Variants in MAOA observed in about 807,000 individuals in gnomAD.
The protein encoded by MAOA is amine oxidase [flavin-containing] A.
A neutral mutation model predicts 42.0 loss-of-function variants in MAOA; 6 were observed. The ratio of observed to expected loss-of-function variants is 0.14; its 90% CI spans 0.08 to 0.28. The LOEUF (loss-of-function observed/expected upper bound fraction) is 0.28. Ranked by LOEUF, MAOA falls within the 10% of genes least tolerant of loss-of-function variation. The pLI is 1.00. For missense variants in MAOA, 262 were observed against 422.3 expected, an observed-to-expected ratio of 0.62 and a Z score of 3.33; for synonymous variants, 140 against 154.0, an observed-to-expected ratio of 0.91 and a Z score of 0.67.
rs997470662 is a variant in MAOA, at chrX:43,693,191, C to T, written c.169-100C>T. The T allele has an allele frequency of 7.1e-6, 6 of 848,842 alleles. No homozygotes were observed. The Admixed American group carries it at 7.4e-5, about 10-fold the overall frequency. 70.0% of individuals were successfully genotyped at this position (848,842 alleles called of 1,213,427 possible). A position where few individuals can be genotyped will look rare whatever the true frequency, so the allele number is the denominator to read the frequency against. ...CTCTTTATAGGGGAGATGTAAGGCACAATTAACTTTTAAAAAAATAAATGG... is the reference window on the plus strand; with the variant it reads ...CTCTTTATAGGGGAGATGTAAGGCATAATTAACTTTTAAAAAAATAAATGG... On this transcript the variant is annotated intron_variant, in intron 2 of 14. Transcript: ENST00000338702.
chrX:43,676,238 C>A (rs2033394533), intron 1 of MAOA, among the ~76,000 whole-genome samples: 1 of 112,063 alleles, frequency 8.9e-6, no homozygotes, highest in African/African-American at 3.2e-5. Flanking sequence ...GGGCGTAGGA[C>A]CCTCTGAGCC....
intron 1 of MAOA, among the ~76,000 whole-genome samples, chrX:43,669,165 C>T (rs1481070281): frequency 1.0e-4 from 11 of 107,332 alleles, no homozygotes; most frequent in African/African-American, 3.8e-4. Flanking sequence ...AATCCCAGCA[C>T]TTTGGGAGAC....
At chrX:43,732,669 G>A (rs778434329) in intron 8 of MAOA, 30 bp from the exon 9 acceptor site, 8 of 988,874 alleles carry the variant, frequency 8.1e-6, no homozygotes, top group Admixed American at 6.6e-5. Context: ...GCTTGATCTC[G>A]ATCTCCCATT....
intron 5 of MAOA, among the ~76,000 whole-genome samples, chrX:43,723,870 T>C (rs2033810983): frequency 8.9e-6 from 1 of 111,944 alleles, no homozygotes; most frequent in Non-Finnish European, 1.9e-5. Context: ...ACCTAGTTTA[T>C]GGAGAGTTTT....
intron 2 of MAOA, among the ~76,000 whole-genome samples, chrX:43,685,023 AC>A (rs748303335): frequency 0.013 from 1,351 of 101,734 alleles, 22 homozygotes; most frequent in African/African-American, 0.045. Flanking sequence ...GATTACAGGC[AC>A]CCCCCCCACC....
chrX:43,715,059 G>A (rs944029185), intron 5 of MAOA, among the ~76,000 whole-genome samples: 2 of 110,778 alleles, frequency 1.8e-5, no homozygotes, highest in Non-Finnish European at 3.8e-5. Context: ...GGTGGATGGG[G>A]TGAGGGAGAT....
chrX:43,718,531 G>A (rs1167143489), intron 5 of MAOA, among the ~76,000 whole-genome samples: 4 of 107,923 alleles, frequency 3.7e-5, no homozygotes, highest in Non-Finnish European at 7.7e-5. Flanking sequence ...AATGATCAGA[G>A]GGGTAGTGGG....
At chrX:43,717,628 C>T (rs1373393446) in intron 5 of MAOA, among the ~76,000 whole-genome samples, 1 of 109,876 alleles carries the variant, frequency 9.1e-6, no homozygotes, top group Non-Finnish European at 1.9e-5. Context: ...GATAATGGTG[C>T]AGCAGGATGG....
At chrX:43,734,188 G>C (rs1041258033) in intron 9 of MAOA, among the ~76,000 whole-genome samples, 11 of 95,609 alleles carry the variant, frequency 1.2e-4, no homozygotes, top group Non-Finnish European at 2.2e-4. Flanking sequence ...TTTTACTTAA[G>C]ATAAATAGTA....
At chrX:43,738,483 G>C (rs2033937158) in intron 10 of MAOA, among the ~76,000 whole-genome samples, 2 of 111,550 alleles carry the variant, frequency 1.8e-5, no homozygotes, top group Non-Finnish European at 3.8e-5. Context: ...TTGGATTTCA[G>C]GTTTCACTCT....
chrX:43,731,564 T>G (rs1170107581), intron 7 of MAOA, 130 bp from the exon 8 acceptor site: 1 of 869,003 alleles, frequency 1.2e-6, no homozygotes, highest in Admixed American at 2.5e-5. Context: ...GCCTCACAGT[T>G]GCCTCATTTT....
intron 1 of MAOA, among the ~76,000 whole-genome samples, chrX:43,665,880 C>A (rs1346060257): frequency 9.0e-6 from 1 of 110,936 alleles, no homozygotes; most frequent in Non-Finnish European, 1.9e-5. Flanking sequence ...ATATCAAGGG[C>A]AAGTTTGTGT....
chrX:43,743,974 G>A, intron 13 of MAOA, 69 bp downstream of exon 13: 1 of 1,174,233 alleles, frequency 8.5e-7, no homozygotes, highest in African/African-American at 1.8e-5. Context: ...GGTCTTGCTA[G>A]TTCTTGACAC....
intron 3 of MAOA, among the ~76,000 whole-genome samples, chrX:43,709,159 T>G (rs1255344381): frequency 9.0e-6 from 1 of 111,083 alleles, no homozygotes; most frequent in Non-Finnish European, 1.9e-5. Flanking sequence ...CCACCGCCTC[T>G]TCTTTTAAAA....
At chrX:43,694,797 A>G (rs2033563703) in intron 3 of MAOA, among the ~76,000 whole-genome samples, 1 of 111,833 alleles carries the variant, frequency 8.9e-6, no homozygotes, top group Non-Finnish European at 1.9e-5. Context: ...CTTTGCGCTC[A>G]ACTACTAATT....
intron 5 of MAOA, among the ~76,000 whole-genome samples, chrX:43,719,943 G>A (rs2033775301): frequency 9.1e-6 from 1 of 110,492 alleles, no homozygotes. Context: ...GGTGCTTCGA[G>A]GGGGACACAG....
At chrX:43,665,680 A>T (rs1260903494) in intron 1 of MAOA, among the ~76,000 whole-genome samples, 1 of 111,926 alleles carries the variant, frequency 8.9e-6, no homozygotes, top group Non-Finnish European at 1.9e-5. Context: ...GTTAGCTTTC[A>T]TCTGTTTATT....
intron 8 of MAOA, 94 bp from the exon 9 acceptor site, chrX:43,732,605 T>G (rs2033891058): frequency 4.8e-6 from 3 of 628,795 alleles, no homozygotes; most frequent in Non-Finnish European, 8.0e-6. Flanking sequence ...AGTTTTTACT[T>G]CCTCTTAAAA....
intron 5 of MAOA, among the ~76,000 whole-genome samples, chrX:43,724,713 T>C (rs2033818496): frequency 9.0e-6 from 1 of 111,446 alleles, no homozygotes; most frequent in African/African-American, 3.3e-5. Flanking sequence ...TGTCTTCTGC[T>C]AGCTTTTGAA....
Sources: gnomAD v4.1 joint callset for allele counts (sites outside exome capture counted in the v4.1 genomes callset) on GRCh38, gnomAD v4.1.1 for gene constraint, MANE v1.5 for transcripts, NCBI Gene and HGNC (gene_info 2026-07-23, HGNC 2026-07-21) for gene names.